DCLK2: variants seen among roughly 807,000 people sequenced by gnomAD.
DCLK2 encodes serine/threonine-protein kinase DCLK2.
In DCLK2, 31 loss-of-function variants were observed where a neutral mutation model predicts 78.4. That is an observed-to-expected ratio of 0.40 (90% CI 0.30 to 0.53). The LOEUF (loss-of-function observed/expected upper bound fraction) is 0.53, where lower values mean the gene tolerates loss of function less well. Ranked by LOEUF, DCLK2 falls within the 20% of genes least tolerant of loss-of-function variation. DCLK2 has a pLI of 0.61. For missense variants in DCLK2, 872 were observed against 973.7 expected (o/e 0.90, Z 1.39); for synonymous variants, 407 against 374.9 (o/e 1.09, Z -0.99).
chr4:150,179,788 A>G (rs144695708), intron 2 of DCLK2, among the ~76,000 whole-genome samples: 11 of 152,300 alleles, frequency 7.2e-5, no homozygotes, highest in Middle Eastern at 3.4e-3. Flanking sequence ...TTTTGCACCA[A>G]CCTAATAAAA....
At chr4:150,240,614 G>A (rs1289193235) in intron 12 of DCLK2, 138 bp downstream of exon 12, 8 of 390,132 alleles carry the variant, frequency 2.1e-5, no homozygotes, top group African/African-American at 1.7e-4. Flanking sequence ...CGGGGGGAGG[G>A]GGGAGGGATA....
rs140081807 is a variant in DCLK2 at position 150,092,676 on chromosome 4, T to C, written c.422-9802T>C. ...TGTCCTATTTCTTATACTTTTTGAA[T>C]ATTAAAGGATAAAGATCACACAATC... On this transcript the variant is annotated intron_variant, in intron 1 of 15. Transcript: ENST00000296550. 2.5e-3 allele frequency among the ~76,000 whole-genome samples: 386 copies of C among 152,288 alleles called. 2 individuals carry two copies. The highest frequency in any genetic ancestry group is 9.1e-3 in the African/African-American group (380 of 41,574).
chr4:150,165,993 C>G (rs1560826325), intron 2 of DCLK2, among the ~76,000 whole-genome samples: 1 of 152,102 alleles, frequency 6.6e-6, no homozygotes, highest in Non-Finnish European at 1.5e-5. Flanking sequence ...GTGGGATGAC[C>G]ATCTGTAGAC....
At chr4:150,189,389 G>C (rs748950767) in intron 2 of DCLK2, among the ~76,000 whole-genome samples, 1 of 152,120 alleles carries the variant, frequency 6.6e-6, no homozygotes, top group African/African-American at 2.4e-5. Flanking sequence ...AAATGAACAA[G>C]AACTGTAAGT....
At chr4:150,170,102 G>A (rs1736402105) in intron 2 of DCLK2, among the ~76,000 whole-genome samples, 1 of 152,162 alleles carries the variant, frequency 6.6e-6, no homozygotes, top group Admixed American at 6.5e-5. Flanking sequence ...ACCCAGGCTT[G>A]GAGTACAGTG....
chr4:150,205,687 T>C (rs1342003528), intron 5 of DCLK2, among the ~76,000 whole-genome samples: 2 of 152,222 alleles, frequency 1.3e-5, no homozygotes, highest in African/African-American at 2.4e-5. Flanking sequence ...TGGAAGTACA[T>C]TGTTATTAAT....
intron 5 of DCLK2, among the ~76,000 whole-genome samples, chr4:150,219,549 C>G (rs886365455): frequency 6.6e-6 from 1 of 152,146 alleles, no homozygotes; most frequent in Admixed American, 6.5e-5. Context: ...GTGTGCACCA[C>G]CGCACCAAGC....
chr4:150,084,565 A>C (rs1364208743), intron 1 of DCLK2, among the ~76,000 whole-genome samples: 1 of 152,206 alleles, frequency 6.6e-6, no homozygotes, highest in African/African-American at 2.4e-5. Flanking sequence ...GAAAATTTTC[A>C]TTTAAAGAAT....
intron 3 of DCLK2, among the ~76,000 whole-genome samples, chr4:150,196,701 C>T (rs1346988991): frequency 6.6e-6 from 1 of 152,062 alleles, no homozygotes; most frequent in African/African-American, 2.4e-5. Flanking sequence ...AGCCAAGGCC[C>T]CTAGTTAACA....
chr4:150,114,278 C>T (rs1173661859), intron 2 of DCLK2, among the ~76,000 whole-genome samples: 1 of 152,084 alleles, frequency 6.6e-6, no homozygotes, highest in East Asian at 1.9e-4. Context: ...TAGAGTGTAG[C>T]TTAAATCCAG....
chr4:150,102,871 G>A (rs1730984460), intron 2 of DCLK2, 59 bp downstream of exon 2: 1 of 1,459,516 alleles, frequency 6.9e-7, no homozygotes, highest in Non-Finnish European at 9.2e-7. Flanking sequence ...GTGCCATGGT[G>A]GCTACATAGT....
intron 7 of DCLK2, 112 bp downstream of exon 7, chr4:150,221,897 C>G: frequency 1.5e-6 from 1 of 651,186 alleles, no homozygotes; most frequent in Non-Finnish European, 2.5e-6. Flanking sequence ...TAAAAAGGCC[C>G]TTCTGGAAAG....
At chr4:150,108,981 C>G (rs1319495143) in intron 2 of DCLK2, among the ~76,000 whole-genome samples, 1 of 152,108 alleles carries the variant, frequency 6.6e-6, no homozygotes, top group Non-Finnish European at 1.5e-5. Flanking sequence ...GGGAACATGG[C>G]AACTCCTTGG....
chr4:150,228,415 C>T (rs1310579623), intron 8 of DCLK2, among the ~76,000 whole-genome samples: 1 of 152,226 alleles, frequency 6.6e-6, no homozygotes, highest in African/African-American at 2.4e-5. Context: ...TTGTGGGCAG[C>T]ACAGTGCGTG....
At chr4:150,226,450 G>C (rs1560888243) in intron 8 of DCLK2, among the ~76,000 whole-genome samples, 1 of 151,684 alleles carries the variant, frequency 6.6e-6, no homozygotes, top group African/African-American at 2.4e-5. Flanking sequence ...GGTGGTGTGT[G>C]ATTTAAGCAG....
At chr4:150,222,774 G>A (rs192622767) in intron 7 of DCLK2, among the ~76,000 whole-genome samples, 2 of 151,820 alleles carry the variant, frequency 1.3e-5, no homozygotes, top group Admixed American at 6.6e-5. Flanking sequence ...GCTGAGGCAC[G>A]AGAATCACTT....
chr4:150,147,778 C>T (rs1055751190), intron 2 of DCLK2, among the ~76,000 whole-genome samples: 2 of 152,114 alleles, frequency 1.3e-5, no homozygotes, highest in Non-Finnish European at 2.9e-5. Context: ...CATGGCATCT[C>T]CAGTTTGGGG....
chr4:150,210,523 A>G (rs1448452494), intron 5 of DCLK2, among the ~76,000 whole-genome samples: 1 of 152,178 alleles, frequency 6.6e-6, no homozygotes, highest in Non-Finnish European at 1.5e-5. Context: ...GGAACAGATT[A>G]TCCCACCTGG....
At chr4:150,178,207 G>A (rs1484967586) in intron 2 of DCLK2, among the ~76,000 whole-genome samples, 1 of 152,192 alleles carries the variant, frequency 6.6e-6, no homozygotes, top group African/African-American at 2.4e-5. Context: ...GCATTGATAA[G>A]CCAATTAATC....
Sources: gnomAD v4.1 joint callset for allele counts (sites outside exome capture counted in the v4.1 genomes callset) on GRCh38, gnomAD v4.1.1 for gene constraint, MANE v1.5 for transcripts, NCBI Gene and HGNC (gene_info 2026-07-23, HGNC 2026-07-21) for gene names.